BTG3: variants seen among roughly 807,000 people sequenced by gnomAD.
BTG3 encodes the protein BTG anti-proliferation factor 3.
Under a neutral mutation model 25.8 loss-of-function variants are expected in BTG3, and 4 were observed. The observed-to-expected ratio is 0.16, with a 90% CI of 0.08 to 0.36. The LOEUF is 0.36. Among genes scored for constraint, BTG3 ranks in the 10% least tolerant of loss-of-function variants. BTG3 has a pLI of 1.00. For missense variants in BTG3, 201 were observed against 304.9 expected (o/e 0.66, Z 2.54); for synonymous variants, 107 against 99.9 (o/e 1.07, Z -0.42).
intron 1 of BTG3, 140 bp from the exon 2 acceptor site, chr21:17,609,292 G>C: frequency 1.3e-6 from 1 of 799,222 alleles, no homozygotes; most frequent in South Asian, 2.0e-5. Flanking sequence ...TATATCTGAA[G>C]TAGAGAACAA....
chr21:17,610,277 T>C (rs773801294), intron 1 of BTG3, among the ~76,000 whole-genome samples: 3 of 152,230 alleles, frequency 2.0e-5, no homozygotes, highest in Non-Finnish European at 2.9e-5. Flanking sequence ...TTTGTGAATA[T>C]ACTAAAACCA....
At chr21:17,599,475 A>AT (rs11447568) in intron 3 of BTG3, among the ~76,000 whole-genome samples, 55,736 of 117,158 alleles carry the variant, frequency 0.48, 14,378 homozygotes, top group African/African-American at 0.65. Flanking sequence ...CCACTGGCTG[A>AT]TTTTTTTTTT....
Position 17,611,033 on chromosome 21 carries a change from A to G in BTG3, c.-9+1666T>C, listed in dbSNP as rs534409681. On this transcript the variant is annotated intron_variant, in intron 1 of 4. Transcript: ENST00000348354. ...CTAGAATGAGAAATTCACCTTCTAC[A>G]GCCAGCTAGCAGGCACCGGGCATGG... 1.4e-4 allele frequency among the ~76,000 whole-genome samples: 21 copies of G among 148,506 alleles called. No homozygotes were observed. In the South Asian group the frequency reaches 4.1e-3, roughly 29 times the overall value.
intron 2 of BTG3, among the ~76,000 whole-genome samples, chr21:17,608,304 T>C (rs2061672067): frequency 6.6e-6 from 1 of 152,014 alleles, no homozygotes; most frequent in African/African-American, 2.4e-5. Context: ...GCCCAGGAGT[T>C]TGAGGCTGCA....
intron 3 of BTG3, among the ~76,000 whole-genome samples, chr21:17,602,220 C>A (rs946389274): frequency 1.3e-5 from 2 of 151,930 alleles, no homozygotes; most frequent in Non-Finnish European, 2.9e-5. Flanking sequence ...CTCAGAACTT[C>A]TCATCATAGG....
chr21:17,600,264 T>C (rs2061555629), intron 3 of BTG3, among the ~76,000 whole-genome samples: 1 of 152,066 alleles, frequency 6.6e-6, no homozygotes, highest in African/African-American at 2.4e-5. Context: ...GTGTCAACAC[T>C]ATCAAACAAT....
intron 2 of BTG3, among the ~76,000 whole-genome samples, chr21:17,608,426 G>C (rs533073911): frequency 6.6e-6 from 1 of 151,588 alleles, no homozygotes; most frequent in East Asian, 1.9e-4. Flanking sequence ...TTTACTAGTC[G>C]TGGATCACAG....
At chr21:17,604,287 A>G in intron 3 of BTG3, 1 of 241,740 alleles carries the variant, frequency 4.1e-6, no homozygotes. Context: ...CTACAAATAT[A>G]AAAAAAAATT....
intron 3 of BTG3, 193 bp from the exon 4 acceptor site, chr21:17,599,017 G>T: frequency 6.0e-6 from 3 of 497,740 alleles, no homozygotes; most frequent in African/African-American, 2.0e-5. Context: ...TCTACTTCTG[G>T]TCTATTTAAG....
rs920437291 is a variant in BTG3, at chr21:17,593,755, G to A, written c.*338C>T. 2.0e-5 allele frequency: 4 copies of A among 198,268 alleles called. No individual in the cohort carries two copies. Among genetic ancestry groups the A allele is most frequent in the Non-Finnish European group, 4.0e-5 (4 of 99,196 alleles). 12.3% of individuals were successfully genotyped at this position (198,268 alleles called of 1,614,324 possible). A position where few individuals can be genotyped will look rare whatever the true frequency, so the allele number is the denominator to read the frequency against. The stretch of plus-strand genomic sequence containing the variant: ...CCTTGTATATAAATAACTTACATAC[G>A]CTCCATAAAGTAAATTCTCAAAGGT... On this transcript the variant is annotated 3_prime_UTR_variant, in exon 5 of 5. Coordinates refer to ENST00000348354, the MANE Select transcript of BTG3 (RefSeq NM_006806.5).
chr21:17,610,998 T>C (rs889757040), intron 1 of BTG3, among the ~76,000 whole-genome samples: 6 of 152,052 alleles, frequency 3.9e-5, no homozygotes, highest in African/African-American at 1.2e-4. Flanking sequence ...CAAATCTTCC[T>C]CCCAGAACCC....
Position 17,594,148 on chromosome 21 carries a change from C to A in BTG3, c.704G>T (p.Gly235Val). 1 of 1,613,224 alleles carries A rather than the reference C, an allele frequency of 6.2e-7. No homozygotes were observed. The highest frequency in any genetic ancestry group is 8.5e-7 in the Non-Finnish European group (1 of 1,179,400). ...PIPVTWVPPP[G>V]MHCDRNHWIN... ...CCAGTGATTCCGGTCACAATGCATT[C>A]CAGGAGGAGGTACCCATGTCACTGG... Residue 235 changes from glycine to valine, a missense_variant, in exon 5 of 5, where the codon GGA becomes GTA. Coordinates refer to ENST00000348354, the MANE Select transcript of BTG3 (RefSeq NM_006806.5).
chr21:17,593,999 T>G lies in BTG3; in HGVS notation c.*94A>C, dbSNP rs1311115231. 76 of 1,437,234 alleles carry G rather than the reference T, an allele frequency of 5.3e-5. No individual in the cohort carries two copies. Among genetic ancestry groups the G allele is most frequent in the Admixed American group, 7.5e-5 (3 of 40,144 alleles). 89.0% of individuals were successfully genotyped at this position (1,437,234 alleles called of 1,614,324 possible). A position where few individuals can be genotyped will look rare whatever the true frequency, so the allele number is the denominator to read the frequency against. Reference sequence around the variant, plus strand: ...GTTTGATGGTTTGGCCCATCTAACTTCACTACTATTAGTAAGAACTTTTAA... The same window carrying G: ...GTTTGATGGTTTGGCCCATCTAACTGCACTACTATTAGTAAGAACTTTTAA... On this transcript the variant is annotated 3_prime_UTR_variant, in exon 5 of 5. Transcript: ENST00000348354.
In BTG3 at chr21:17,595,001, G is replaced by A. The variant is rs1004804948; in HGVS notation, c.520-669C>T. On this transcript the variant is annotated intron_variant, in intron 4 of 4. Coordinates refer to ENST00000348354, the MANE Select transcript of BTG3 (RefSeq NM_006806.5). ...GTGTATCCCTAAACCTAAAATAAAAGTTAAAAAAAAAAAAAGATAAACACA... is the reference window on the plus strand; with the variant it reads ...GTGTATCCCTAAACCTAAAATAAAAATTAAAAAAAAAAAAAGATAAACACA... 6.8e-5 allele frequency among the ~76,000 whole-genome samples: 10 copies of A among 146,924 alleles called. No homozygotes were observed. The South Asian group carries it at 1.5e-3, about 22-fold the overall frequency.
intron 4 of BTG3, among the ~76,000 whole-genome samples, chr21:17,597,954 A>C (rs2061525014): frequency 6.6e-6 from 1 of 152,168 alleles, no homozygotes; most frequent in African/African-American, 2.4e-5. Flanking sequence ...AAAATTAGTA[A>C]TAAGTACATT....
intron 4 of BTG3, 86 bp from the exon 5 acceptor site, chr21:17,594,418 T>A: frequency 7.5e-7 from 1 of 1,328,736 alleles, no homozygotes; most frequent in Admixed American, 2.1e-5. Context: ...CAAACAAAGT[T>A]ACCCACAACA....
chr21:17,609,787 T>C (rs1373222965), intron 1 of BTG3, among the ~76,000 whole-genome samples: 1 of 152,160 alleles, frequency 6.6e-6, no homozygotes, highest in Non-Finnish European at 1.5e-5. Flanking sequence ...AATGGACAAA[T>C]ACTGTGTTAT....
chr21:17,594,358 T>C, intron 4 of BTG3, 26 bp from the exon 5 acceptor site: 1 of 1,593,224 alleles, frequency 6.3e-7, no homozygotes, highest in Non-Finnish European at 8.5e-7. Flanking sequence ...CACATTAAGT[T>C]AATTCAAAGG....
At chr21:17,602,443 T>C (rs1445677110) in intron 3 of BTG3, among the ~76,000 whole-genome samples, 1 of 152,228 alleles carries the variant, frequency 6.6e-6, no homozygotes, top group Non-Finnish European at 1.5e-5. Flanking sequence ...AATTGTATAC[T>C]TGCTAGATCA....
Sources: gnomAD v4.1 joint callset for allele counts (sites outside exome capture counted in the v4.1 genomes callset) on GRCh38, gnomAD v4.1.1 for gene constraint, MANE v1.5 for transcripts, NCBI Gene and HGNC (gene_info 2026-07-23, HGNC 2026-07-21) for gene names.